The following TMEM132B variants were observed in gnomAD, a reference collection of about 807,000 sequenced individuals.
The protein encoded by TMEM132B is transmembrane protein 132B.
Under a neutral mutation model 90.8 loss-of-function variants are expected in TMEM132B, and 18 were observed. The observed-to-expected ratio is 0.20, with a 90% CI of 0.14 to 0.29. TMEM132B has a LOEUF of 0.29. TMEM132B is among the 10% of genes least tolerant of loss of function. The pLI is 1.00. For missense variants in TMEM132B, 1,096 were observed against 1,326.8 expected (o/e 0.83, Z 2.70); for synonymous variants, 504 against 523.3 (o/e 0.96, Z 0.50).
At chr12:125,203,260 A>G (rs979303690) in intron 1 of TMEM132B, among the ~76,000 whole-genome samples, 1 of 152,186 alleles carries the variant, frequency 6.6e-6, no homozygotes, top group Non-Finnish European at 1.5e-5. Context: ...GCTATCAAAA[A>G]TGTTTCAAAA....
chr12:125,200,250 T>C (rs1286717754), intron 1 of TMEM132B, among the ~76,000 whole-genome samples: 2 of 152,228 alleles, frequency 1.3e-5, no homozygotes, highest in Non-Finnish European at 2.9e-5. Flanking sequence ...CTTTCAAATA[T>C]ATAAAAATGG....
At chr12:125,436,481 G>A (rs1880707486) in intron 3 of TMEM132B, among the ~76,000 whole-genome samples, 1 of 152,208 alleles carries the variant, frequency 6.6e-6, no homozygotes, top group Admixed American at 6.5e-5. Context: ...GATGACTGGT[G>A]TCTTAAAAAA....
At chr12:125,610,896 A>G (rs1467242675) in intron 5 of TMEM132B, among the ~76,000 whole-genome samples, 2 of 152,122 alleles carry the variant, frequency 1.3e-5, no homozygotes, top group Non-Finnish European at 2.9e-5. Context: ...AATTGGCCTT[A>G]TAGAATGATC....
intron 1 of TMEM132B, among the ~76,000 whole-genome samples, chr12:125,297,446 G>C (rs1287968243): frequency 6.6e-6 from 1 of 152,176 alleles, no homozygotes; most frequent in African/African-American, 2.4e-5. Flanking sequence ...GCTTAGTGCT[G>C]TTCCCAACAC....
At chr12:125,297,620 A>G (rs148061191) in intron 1 of TMEM132B, among the ~76,000 whole-genome samples, 61 of 152,336 alleles carry the variant, frequency 4.0e-4, no homozygotes, top group African/African-American at 1.3e-3. Flanking sequence ...CAGCTAGGTA[A>G]GTGGAAGCAA....
chr12:125,607,771 C>G lies in TMEM132B; in HGVS notation c.1437+23777C>G, dbSNP rs538522306. 2.6e-5 allele frequency among the ~76,000 whole-genome samples: 4 copies of G among 152,260 alleles called. No homozygotes were observed. In the South Asian group the frequency reaches 8.3e-4, roughly 32 times the overall value. ...CAACTATTCCTCATTTTCTCCAACC[C>G]TTCCCAGCTCTAGGCAACCACTAAC... On this transcript the variant is annotated intron_variant, in intron 5 of 8. Coordinates refer to ENST00000682704, the MANE Select transcript of TMEM132B (RefSeq NM_001366854.1).
Position 125,589,368 on chromosome 12 carries a change from G to C in TMEM132B, c.1437+5374G>C, listed in dbSNP as rs535240657. Among the ~76,000 whole-genome samples, 3 of 151,104 alleles carry C rather than the reference G, an allele frequency of 2.0e-5. No individual in the cohort carries two copies. The East Asian group carries it at 5.9e-4, about 30-fold the overall frequency. ...GTAGTGGCGGGGGCCTGTAGTCCCAGCTACTCGGGAGGCTGAGGCAGGAGA... is the reference window on the plus strand; with the variant it reads ...GTAGTGGCGGGGGCCTGTAGTCCCACCTACTCGGGAGGCTGAGGCAGGAGA... On this transcript the variant is annotated intron_variant, in intron 5 of 8. Transcript: ENST00000682704.
At chr12:125,252,330 C>T (rs1226674009) in intron 1 of TMEM132B, among the ~76,000 whole-genome samples, 1 of 152,198 alleles carries the variant, frequency 6.6e-6, no homozygotes, top group Non-Finnish European at 1.5e-5. Flanking sequence ...TTCTCCAGGC[C>T]TCCGGTTCCC....
At position 125,406,247 on chromosome 12, in the gene TMEM132B, C is replaced by T. The variant is rs1485718426; in HGVS notation, c.960-9284C>T. On this transcript the variant is annotated intron_variant, in intron 2 of 8. Coordinates refer to ENST00000682704, the MANE Select transcript of TMEM132B (RefSeq NM_001366854.1). The surrounding 1 kb of genome is among the most constrained non-coding windows in gnomAD (Gnocchi z 8.3). ...AAAACTTCCCTTCCCTGGTCATACC[C>T]ACACAATTTGCCTGTCTAGTGATGC... 8.5e-5 allele frequency among the ~76,000 whole-genome samples: 13 copies of T among 152,180 alleles called. No individual in the cohort carries two copies. The highest frequency in any genetic ancestry group is 2.1e-4 in the South Asian group (1 of 4,820).
At chr12:125,373,133 G>A (rs965798504) in intron 2 of TMEM132B, among the ~76,000 whole-genome samples, 1 of 152,198 alleles carries the variant, frequency 6.6e-6, no homozygotes, top group Non-Finnish European at 1.5e-5. Context: ...CACATTACAA[G>A]GTCAGCTCCA....
At chr12:125,518,935 C>T (rs1056254064) in intron 3 of TMEM132B, among the ~76,000 whole-genome samples, 7 of 152,222 alleles carry the variant, frequency 4.6e-5, no homozygotes, top group Admixed American at 6.5e-5. Context: ...TCCACACACC[C>T]ATGAGGTCCC....
At chr12:125,581,840 A>G (rs1885061270) in intron 4 of TMEM132B, among the ~76,000 whole-genome samples, 1 of 151,926 alleles carries the variant, frequency 6.6e-6, no homozygotes, top group Non-Finnish European at 1.5e-5. Flanking sequence ...CACCTAGGTG[A>G]GTTCTCATCT....
At position 125,660,655 on chromosome 12, in the gene TMEM132B, A is replaced by T. The variant is rs1887188500; in HGVS notation, c.*5945A>T. The T allele has an allele frequency of 6.6e-6, 1 of 152,256 alleles. No homozygotes were observed. The allele number at this position is 152,256 out of a possible 1,614,324, so 9.4% of individuals were successfully genotyped here. A position where few individuals can be genotyped will look rare whatever the true frequency, so the allele number is the denominator to read the frequency against. ...CACCATCATTTTCCAGATAAGAAAT[A>T]ACAGTTCAAGTTCATTAGGGAAATT... On this transcript the variant is annotated 3_prime_UTR_variant, in exon 9 of 9. Transcript: ENST00000682704.
chr12:125,253,473 C>T (rs1013961191), intron 1 of TMEM132B, among the ~76,000 whole-genome samples: 6 of 143,498 alleles, frequency 4.2e-5, no homozygotes, highest in South Asian at 2.2e-4. Flanking sequence ...CTCACTCTGT[C>T]GCCCAGGCTG....
chr12:125,365,609 T>C (rs1878106893), intron 2 of TMEM132B, among the ~76,000 whole-genome samples: 1 of 152,142 alleles, frequency 6.6e-6, no homozygotes, highest in Non-Finnish European at 1.5e-5. Context: ...ATAAATTCCT[T>C]TAGTCTCTTT....
chr12:125,236,716 A>G (rs1037976415), intron 1 of TMEM132B, among the ~76,000 whole-genome samples: 1 of 152,154 alleles, frequency 6.6e-6, no homozygotes, highest in Admixed American at 6.5e-5. Context: ...ATCCTGCACC[A>G]CTTCAAGCTG....
At chr12:125,328,989 G>C (rs1213151316) in intron 1 of TMEM132B, among the ~76,000 whole-genome samples, 1 of 152,174 alleles carries the variant, frequency 6.6e-6, no homozygotes, top group African/African-American at 2.4e-5. Flanking sequence ...AATGAACCCT[G>C]TTATGGACTG....
intron 1 of TMEM132B, among the ~76,000 whole-genome samples, chr12:125,308,503 C>T (rs1876047348): frequency 6.6e-6 from 1 of 152,154 alleles, no homozygotes; most frequent in Non-Finnish European, 1.5e-5. Context: ...AATATTAAGA[C>T]ATGAGATTGC....
chr12:125,518,406 G>A (rs2136657313), intron 3 of TMEM132B, among the ~76,000 whole-genome samples: 1 of 152,286 alleles, frequency 6.6e-6, no homozygotes, highest in East Asian at 1.9e-4. Context: ...AGCCTACATT[G>A]GTCCTAGGAG....
Sources: allele counts gnomAD v4.1 joint callset (sites outside exome capture counted in the v4.1 genomes callset), GRCh38; gene constraint gnomAD v4.1.1; non-coding constraint Gnocchi (gnomAD v3.1); transcripts MANE v1.5; gene names NCBI Gene and HGNC (gene_info 2026-07-23, HGNC 2026-07-21).